Variants in MEI4 observed in about 807,000 individuals in gnomAD.
MEI4 encodes meiosis-specific protein MEI4.
A neutral mutation model predicts 31.4 loss-of-function variants in MEI4; 27 were observed. The observed-to-expected ratio is 0.86, with a 90% CI of 0.63 to 1.19. MEI4 has a LOEUF of 1.19. Among genes scored for constraint, MEI4 ranks in the 50% most tolerant of loss-of-function variants. The pLI, the probability that MEI4 is intolerant of heterozygous loss-of-function variation, is 0.00. For synonymous variants in MEI4, 122 were observed against 145.4 expected (o/e 0.84, Z 1.16); for missense variants, 329 against 398.9 (o/e 0.82, Z 1.49).
At chr6:77,912,800 C>A (rs1184312141) in intron 4 of MEI4, among the ~76,000 whole-genome samples, 1 of 152,000 alleles carries the variant, frequency 6.6e-6, no homozygotes, top group Non-Finnish European at 1.5e-5. Flanking sequence ...TTATTTATTT[C>A]TCTTGCCTAA....
In MEI4 at chr6:77,746,949, T is replaced by C. The variant is rs180715743; in HGVS notation, c.233-14181T>C. Among the ~76,000 whole-genome samples, 89 of 152,092 alleles carry C rather than the reference T, an allele frequency of 5.9e-4. 1 individual carries two copies. The highest frequency in any genetic ancestry group is 2.0e-3 in the African/African-American group (84 of 41,464). On this transcript the variant is annotated intron_variant, in intron 2 of 4. Coordinates refer to ENST00000684080, the MANE Select transcript of MEI4 (RefSeq NM_001322247.2). ...ATAAAGTTTATGAGCTTGTAGAGAG[T>C]TCAGGAAAAAATTACCCTTTTGACA...
intron 4 of MEI4, among the ~76,000 whole-genome samples, chr6:77,845,746 T>A (rs1770466505): frequency 6.7e-6 from 1 of 148,680 alleles, no homozygotes; most frequent in East Asian, 1.9e-4. Flanking sequence ...ATTATTTCAA[T>A]GGCTTTTTAT....
chr6:77,739,174 G>A (rs1767332512), intron 2 of MEI4, among the ~76,000 whole-genome samples: 1 of 151,980 alleles, frequency 6.6e-6, no homozygotes, highest in South Asian at 2.1e-4. Context: ...ATCCTGAATG[G>A]TATTGCCTAA....
intron 1 of MEI4, among the ~76,000 whole-genome samples, chr6:77,661,660 T>A (rs1028532402): frequency 6.6e-6 from 1 of 151,924 alleles, no homozygotes; most frequent in African/African-American, 2.4e-5. Context: ...AAATGAGAGG[T>A]TCTAAGAGAC....
rs193187708 is a variant in MEI4, at chr6:77,802,323, G to T, written c.769-26608G>T. ...CCTTTGTTTGTTTTCCATTTGCTTG[G>T]TAGATCTTCCTCCATCCCTTTATTT... On this transcript the variant is annotated intron_variant, in intron 3 of 4. Coordinates refer to ENST00000684080, the MANE Select transcript of MEI4 (RefSeq NM_001322247.2). Among the ~76,000 whole-genome samples the T allele has an allele frequency of 1.4e-3, 209 of 152,124 alleles. 1 individual carries two copies. The highest frequency in any genetic ancestry group is 4.4e-3 in the African/African-American group (183 of 41,510).
chr6:77,853,223 A>C (rs910637116), intron 4 of MEI4, among the ~76,000 whole-genome samples: 1 of 152,120 alleles, frequency 6.6e-6, no homozygotes, highest in Non-Finnish European at 1.5e-5. Context: ...AAAAAAAGAC[A>C]GGTTAATGCC....
chr6:77,670,328 A>G (rs1768715444), intron 1 of MEI4, among the ~76,000 whole-genome samples: 1 of 151,960 alleles, frequency 6.6e-6, no homozygotes, highest in African/African-American at 2.4e-5. Context: ...TTCTGACAGT[A>G]TAGTTGATTG....
intron 2 of MEI4, among the ~76,000 whole-genome samples, chr6:77,747,731 T>C (rs909198619): frequency 1.8e-4 from 27 of 152,168 alleles, no homozygotes; most frequent in Admixed American, 1.5e-3. Flanking sequence ...ATCATCCCTT[T>C]GCAACAGTCC....
At chr6:77,784,610 A>G (rs1768682886) in intron 3 of MEI4, among the ~76,000 whole-genome samples, 1 of 152,184 alleles carries the variant, frequency 6.6e-6, no homozygotes, top group Non-Finnish European at 1.5e-5. Flanking sequence ...CAAGAGTGTC[A>G]ATTAAAGCTG....
intron 3 of MEI4, among the ~76,000 whole-genome samples, chr6:77,798,260 A>G (rs1404064586): frequency 2.6e-5 from 4 of 151,686 alleles, no homozygotes. Context: ...AATAAATGAG[A>G]AAAAATGAAA....
At chr6:77,733,509 C>T (rs903303018) in intron 2 of MEI4, among the ~76,000 whole-genome samples, 1 of 151,922 alleles carries the variant, frequency 6.6e-6, no homozygotes, top group African/African-American at 2.4e-5. Context: ...CTATTTGATT[C>T]TTCTCTCTTT....
At chr6:77,664,059 C>T (rs753722736) in intron 1 of MEI4, among the ~76,000 whole-genome samples, 1 of 152,094 alleles carries the variant, frequency 6.6e-6, no homozygotes, top group Non-Finnish European at 1.5e-5. Context: ...AACGCCTGGC[C>T]GTTGCGATTC....
At chr6:77,751,931 C>T (rs2086694) in intron 2 of MEI4, among the ~76,000 whole-genome samples, 21,128 of 152,082 alleles carry the variant, frequency 0.14, 1,574 homozygotes, top group Middle Eastern at 0.21. Flanking sequence ...ATGATCAAGT[C>T]GGCTTCATCC....
At chr6:77,786,740 T>A (rs1768745790) in intron 3 of MEI4, among the ~76,000 whole-genome samples, 1 of 152,176 alleles carries the variant, frequency 6.6e-6, no homozygotes, top group Non-Finnish European at 1.5e-5. Flanking sequence ...AATTTAAAGC[T>A]TCTTTATGCC....
At chr6:77,882,628 G>A (rs1046948232) in intron 4 of MEI4, among the ~76,000 whole-genome samples, 1 of 152,146 alleles carries the variant, frequency 6.6e-6, no homozygotes, top group African/African-American at 2.4e-5. Context: ...TAGCTCTGAT[G>A]TGAGTTGAGA....
upstream of MEI4, among the ~76,000 whole-genome samples, chr6:77,651,552 G>A (rs1015558468): frequency 9.9e-5 from 15 of 152,248 alleles, no homozygotes; most frequent in Admixed American, 2.6e-4. Flanking sequence ...TGGGGGACTT[G>A]TTTGTATTTT....
intron 4 of MEI4, among the ~76,000 whole-genome samples, chr6:77,893,370 C>G (rs1375285068): frequency 3.3e-5 from 5 of 152,122 alleles, no homozygotes; most frequent in African/African-American, 1.2e-4. Flanking sequence ...TTTAGTTGTA[C>G]TTTGAAGATT....
chr6:77,691,454 C>A (rs1254698595), intron 2 of MEI4, among the ~76,000 whole-genome samples: 1 of 152,024 alleles, frequency 6.6e-6, no homozygotes, highest in South Asian at 2.1e-4. Flanking sequence ...TTACCTCTGG[C>A]CCTCAAAGTT....
chr6:77,744,450 C>T (rs924027247), intron 2 of MEI4, among the ~76,000 whole-genome samples: 3 of 151,988 alleles, frequency 2.0e-5, no homozygotes, highest in African/African-American at 7.3e-5. Flanking sequence ...ACAAAGCCTC[C>T]GAGAAATATG....
Sources: allele counts gnomAD v4.1 joint callset (sites outside exome capture counted in the v4.1 genomes callset), GRCh38; gene constraint gnomAD v4.1.1; transcripts MANE v1.5; gene names NCBI Gene and HGNC (gene_info 2026-07-23, HGNC 2026-07-21).